Variants in BIRC6 observed in about 807,000 individuals in gnomAD.
BIRC6 encodes the protein baculoviral IAP repeat containing 6, also known as dual E2 ubiquitin-conjugating enzyme/E3 ubiquitin-protein ligase BIRC6.
Under a neutral mutation model 503.3 loss-of-function variants are expected in BIRC6, and 98 were observed. The observed-to-expected ratio is 0.19, with a 90% confidence interval of 0.17 to 0.23. The LOEUF is 0.23. BIRC6 is among the 10% of genes least tolerant of loss of function. The pLI is 1.00. For missense variants in BIRC6, 5,360 were observed against 5,806.0 expected, an observed-to-expected ratio of 0.92 and a Z score of 2.50; for synonymous variants, 2,240 against 2,078.7, an observed-to-expected ratio of 1.08 and a Z score of -2.11.
intron 10 of BIRC6, among the ~76,000 whole-genome samples, chr2:32,420,316 C>T (rs1447268438): frequency 6.6e-5 from 10 of 151,896 alleles, no homozygotes; most frequent in East Asian, 5.8e-4. Context: ...TGGTAGAATT[C>T]GCCAGTGAAG....
In BIRC6 at chr2:32,442,012, C is replaced by T; in HGVS notation, c.3945-53C>T. On this transcript the variant is annotated intron_variant, in intron 17 of 73. Coordinates refer to ENST00000421745, the MANE Select transcript of BIRC6 (RefSeq NM_016252.4). ...TGCCTTTCCAGCCAGGTTGTGATAG[C>T]TTTAGTTGTTCTGTTTTGTTTGGTA... is the stretch of plus-strand genomic sequence containing the variant. 2.3e-6 allele frequency: 3 copies of T among 1,326,808 alleles called. No individual in the cohort carries two copies. The South Asian group carries it at 5.8e-5, about 26-fold the overall frequency. The allele number at this position is 1,326,808 out of a possible 1,614,324, so 82.2% of individuals were successfully genotyped here.
At chr2:32,411,227 G>T (rs1190423365) in intron 9 of BIRC6, among the ~76,000 whole-genome samples, 1 of 150,926 alleles carries the variant, frequency 6.6e-6, no homozygotes, top group Middle Eastern at 3.4e-3. Context: ...TAGTAGAGAC[G>T]GGAGTTTCAC....
At chr2:32,441,610 T>C in intron 17 of BIRC6, 148 bp downstream of exon 17, 2 of 712,630 alleles carry the variant, frequency 2.8e-6, no homozygotes, top group Non-Finnish European at 4.5e-6. Context: ...GATGAGAATA[T>C]GAGTTGTCTT....
rs77019971 is a variant in BIRC6, at chr2:32,485,951, G to T, written c.7813+192G>T. Among the ~76,000 whole-genome samples the T allele has an allele frequency of 9.7e-3, 1,476 of 152,284 alleles. 20 individuals carry two copies. The highest frequency in any genetic ancestry group is 0.015 in the Admixed American group (222 of 15,292). On this transcript the variant is annotated intron_variant, in intron 40 of 73. Transcript: ENST00000421745. ...GACAAAGGATTAACAAATGCAGAGA[G>T]TATCATGCAAAATACTTCCATGTAG...
intron 62 of BIRC6, 114 bp downstream of exon 62, chr2:32,543,655 AT>A: frequency 9.6e-7 from 1 of 1,043,336 alleles, no homozygotes; most frequent in Admixed American, 2.6e-5. Context: ...CTGTTAGATG[AT>A]TTGTAAGTGG....
rs548607324 is a variant in BIRC6 at position 32,543,118 on chromosome 2, G to A, written c.12292-123G>A. The A allele has an allele frequency of 2.8e-5, 32 of 1,147,652 alleles. No homozygotes were observed. The South Asian group carries it at 5.0e-4, about 18-fold the overall frequency. The allele number at this position is 1,147,652 out of a possible 1,614,324, so 71.1% of individuals were successfully genotyped here. A position where few individuals can be genotyped will look rare whatever the true frequency, so the allele number is the denominator to read the frequency against. On this transcript the variant is annotated intron_variant, in intron 61 of 73. Transcript: ENST00000421745. ...CCCGGCTGGAAGCTTGTTTTTTAAAGCAAGCAGCTTTATTAATCCTTATAA... is the reference window on the plus strand; with the variant it reads ...CCCGGCTGGAAGCTTGTTTTTTAAAACAAGCAGCTTTATTAATCCTTATAA...
intron 71 of BIRC6, among the ~76,000 whole-genome samples, chr2:32,605,499 A>G (rs904880859): frequency 1.3e-5 from 2 of 152,186 alleles, no homozygotes; most frequent in Non-Finnish European, 2.9e-5. Context: ...GAAGAGGACA[A>G]TTATTTAAGA....
Position 32,501,731 on chromosome 2 carries a change from T to G in BIRC6, c.9050T>G (p.Leu3017Arg). The change falls in exon 47 of 74, where the codon CTC becomes CGC. Residue 3017 changes from leucine (L) to arginine (R), a missense_variant. Coordinates refer to ENST00000421745, the MANE Select transcript of BIRC6 (RefSeq NM_016252.4). ...AMIIGASGLH[L>R]TKHENFHGGL... ...TTCTTAGGAGCAAGTGGATTACATC[T>G]CACTAAACATGAAAACTTTCATGGT... 6.2e-7 allele frequency: 1 copy of G among 1,610,858 alleles called. No individual in the cohort carries two copies. Among genetic ancestry groups the G allele is most frequent in the Non-Finnish European group, 8.5e-7 (1 of 1,179,020 alleles).
chr2:32,471,380 A>T (rs2049081188), intron 32 of BIRC6, among the ~76,000 whole-genome samples: 2 of 152,220 alleles, frequency 1.3e-5, no homozygotes, highest in Non-Finnish European at 2.9e-5. Context: ...TGACTTTTGC[A>T]AGGTGTCTTC....
Position 32,543,268 on chromosome 2 carries a change from A to G in BIRC6, c.12319A>G (p.Thr4107Ala). The change falls in exon 62 of 74, where the codon ACT becomes GCT. Residue 4107 changes from threonine (T) to alanine (A), a missense_variant. Transcript: ENST00000421745. ...QVSAPVVTST[T>A]QEKPKDSDQF... is the part of the protein sequence containing the mutation. ...GAGTGCTCCAGTTGTAACATCTACC[A>G]CTCAGGAAAAGCCGAAGGATAGCGA... 1 of 1,613,910 alleles carries G rather than the reference A, an allele frequency of 6.2e-7. No individual in the cohort carries two copies. Among genetic ancestry groups the G allele is most frequent in the Non-Finnish European group, 8.5e-7 (1 of 1,179,848 alleles).
At chr2:32,607,965 A>G (rs551547420) in intron 72 of BIRC6, among the ~76,000 whole-genome samples, 1 of 111,382 alleles carries the variant, frequency 9.0e-6, no homozygotes, top group African/African-American at 3.5e-5. Context: ...GCAGAGCAAG[A>G]CTCCATCTCC....
intron 3 of BIRC6, 28 bp from the exon 4 acceptor site, chr2:32,388,722 C>T (rs767173737): frequency 2.0e-6 from 3 of 1,479,220 alleles, no homozygotes; most frequent in Non-Finnish European, 2.7e-6. Flanking sequence ...GTACATTTTC[C>T]TTTGCTTATA....
chr2:32,436,230 T>C, intron 15 of BIRC6, 46 bp downstream of exon 15: 1 of 1,338,348 alleles, frequency 7.5e-7, no homozygotes, highest in Non-Finnish European at 9.7e-7. Context: ...ATACCACAGT[T>C]GTAAAAAAGA....
intron 9 of BIRC6, among the ~76,000 whole-genome samples, chr2:32,411,235 C>T (rs2041838381): frequency 6.6e-6 from 1 of 151,054 alleles, no homozygotes; most frequent in Non-Finnish European, 1.5e-5. Context: ...ACGGGAGTTT[C>T]ACCATGTTGA....
chr2:32,363,390 C>T (rs1184877267), intron 1 of BIRC6, among the ~76,000 whole-genome samples: 1 of 151,900 alleles, frequency 6.6e-6, no homozygotes, highest in Non-Finnish European at 1.5e-5. Context: ...TTTTTATATT[C>T]AGTTTTTGGA....
intron 1 of BIRC6, among the ~76,000 whole-genome samples, chr2:32,366,833 T>C (rs957815870): frequency 7.3e-5 from 11 of 151,398 alleles, no homozygotes; most frequent in African/African-American, 2.4e-4. Context: ...AAAAAAAAAA[T>C]TAGCTGGGTG....
At position 32,547,858 on chromosome 2, in the gene BIRC6, G is replaced by T. The variant is rs368206423; in HGVS notation, c.12819G>T (p.Val4273=). Residue 4273 remains valine, a synonymous_variant, in exon 64 of 74, where the codon GTG becomes GTT. Transcript: ENST00000421745. ...TTTTTTGTTATTTTAAGCCACAGGT[G>T]TCAAGCTCTCATAACCCTACATCAA... ...NSSVNQTEPQ[V]SSSHNPTSTE... 6 of 1,568,548 alleles carry T rather than the reference G, an allele frequency of 3.8e-6. No homozygotes were observed. Among genetic ancestry groups the T allele is most frequent in the Non-Finnish European group, 5.2e-6 (6 of 1,163,106 alleles).
chr2:32,512,844 C>G (rs1365493687), intron 53 of BIRC6, 89 bp from the exon 54 acceptor site: 3 of 930,322 alleles, frequency 3.2e-6, no homozygotes, highest in Non-Finnish European at 1.7e-6. Flanking sequence ...CATAAATACC[C>G]TACTCACCAT....
At chr2:32,383,995 A>G (rs1049049068) in intron 3 of BIRC6, among the ~76,000 whole-genome samples, 6 of 152,196 alleles carry the variant, frequency 3.9e-5, no homozygotes, top group Non-Finnish European at 8.8e-5. Context: ...CATACAAACT[A>G]GTAGAACTTC....
Sources: allele counts gnomAD v4.1 joint callset (sites outside exome capture counted in the v4.1 genomes callset), GRCh38; gene constraint gnomAD v4.1.1; transcripts MANE v1.5; gene names NCBI Gene and HGNC (gene_info 2026-07-23, HGNC 2026-07-21).